The following PCMT1 variants were observed in gnomAD, a reference collection of about 807,000 sequenced individuals.
PCMT1 encodes protein-L-isoaspartate (D-aspartate) O-methyltransferase.
A neutral mutation model predicts 29.2 loss-of-function variants in PCMT1; 9 were observed. The observed-to-expected ratio is 0.31, with a 90% CI of 0.19 to 0.54. The LOEUF (loss-of-function observed/expected upper bound fraction) is 0.54, where lower values mean the gene tolerates loss of function less well. Ranked by LOEUF, PCMT1 falls within the 20% of genes least tolerant of loss-of-function variation. The pLI is 0.95. For missense variants in PCMT1, 184 were observed against 282.2 expected (o/e 0.65, Z 2.49); for synonymous variants, 98 against 97.5 (o/e 1.00, Z -0.03).
rs560893042 is a variant in PCMT1, at chr6:149,802,236, T to G, written c.541T>G (p.Leu181Val). The change falls in exon 7 of 8, where the codon TTG becomes GTG. Residue 181 changes from leucine to valine, a missense_variant. Physicochemically the swap from Leu to Val is conservative, Grantham distance 32 (BLOSUM62 1). Coordinates refer to ENST00000464889, the MANE Select transcript of PCMT1 (RefSeq NM_001360452.2). ...DQLKPGGRLI[L>V]PVGPAGGNQM... is the part of the protein sequence containing the mutation. Reference sequence around the variant, plus strand: ...GTTAAAGCCCGGAGGAAGATTGATATTGCCTGTTGGTCCTGCAGGCGGAAA... The same window carrying G: ...GTTAAAGCCCGGAGGAAGATTGATAGTGCCTGTTGGTCCTGCAGGCGGAAA... 1.9e-6 allele frequency: 3 copies of G among 1,612,732 alleles called. No individual in the cohort carries two copies. Among genetic ancestry groups the G allele is most frequent in the Admixed American group, 1.7e-5 (1 of 59,962 alleles).
At chr6:149,788,133 G>A (rs1164358345) in intron 3 of PCMT1, among the ~76,000 whole-genome samples, 1 of 152,026 alleles carries the variant, frequency 6.6e-6, no homozygotes, top group East Asian at 1.9e-4. Context: ...TAGCCAGGAT[G>A]GTCTCGATCT....
rs202122679 is a variant in PCMT1, at chr6:149,751,880, TA to T, written c.55+1925del. Among the ~76,000 whole-genome samples the T allele has an allele frequency of 3.7e-4, 56 of 151,758 alleles. No homozygotes were observed. In the East Asian group the frequency reaches 7.4e-3, roughly 20 times the overall value. ...GTGTTTGGTAAGAGAGAATGTTGAT[TA>T]TTTTTTTTTTTTAGACAGGGTTTCA... On this transcript the variant is annotated intron_variant, in intron 1 of 7. Transcript: ENST00000464889.
intron 3 of PCMT1, among the ~76,000 whole-genome samples, chr6:149,782,897 G>C (rs9322220): frequency 0.53 from 80,717 of 151,920 alleles, 24,666 homozygotes; most frequent in East Asian, 0.83. Context: ...TGGCTGATGC[G>C]TGTAATCTCA....
chr6:149,759,784 T>C (rs1295287505), intron 1 of PCMT1, among the ~76,000 whole-genome samples: 1 of 152,118 alleles, frequency 6.6e-6, no homozygotes, highest in African/African-American at 2.4e-5. Context: ...CGTGAGCCAC[T>C]GCGCCCGGCC....
chr6:149,770,836 T>TA (rs1440735684), intron 1 of PCMT1, among the ~76,000 whole-genome samples: 2 of 130,514 alleles, frequency 1.5e-5, no homozygotes, highest in Non-Finnish European at 3.1e-5. Flanking sequence ...ACCCTGTTTC[T>TA]AAAATACAAA....
intron 2 of PCMT1, among the ~76,000 whole-genome samples, chr6:149,772,927 G>C (rs1787394236): frequency 6.7e-6 from 1 of 150,366 alleles, no homozygotes; most frequent in South Asian, 2.1e-4. Context: ...TGAGGCAGTA[G>C]AATGGCGTGA....
Position 149,776,355 on chromosome 6 carries a change from C to T in PCMT1, c.192+3186C>T, listed in dbSNP as rs182307608. ...CTCCGCCCCGTGGATTCAAGCAATT[C>T]GCGTGCCTTACTCAGCCTTCCTCGT... is the stretch of plus-strand genomic sequence containing the variant. On this transcript the variant is annotated intron_variant, in intron 3 of 7. Transcript: ENST00000464889. 1.8e-3 allele frequency among the ~76,000 whole-genome samples: 275 copies of T among 152,032 alleles called. 2 individuals carry two copies. Among genetic ancestry groups the T allele is most frequent in the African/African-American group, 5.4e-3 (225 of 41,436 alleles).
intron 7 of PCMT1, among the ~76,000 whole-genome samples, chr6:149,809,120 A>G (rs1369957027): frequency 6.7e-6 from 1 of 149,440 alleles, no homozygotes; most frequent in African/African-American, 2.4e-5. Context: ...TTAGCCGGGT[A>G]TGGTGGTGCC....
chr6:149,800,209 T>TA (rs1442109794), intron 6 of PCMT1, among the ~76,000 whole-genome samples: 1 of 152,164 alleles, frequency 6.6e-6, no homozygotes, highest in African/African-American at 2.4e-5. Context: ...CTCATGCCTG[T>TA]AATCCCAGTA....
At chr6:149,751,169 T>C (rs761920822) in intron 1 of PCMT1, among the ~76,000 whole-genome samples, 3 of 152,030 alleles carry the variant, frequency 2.0e-5, no homozygotes, top group Admixed American at 6.6e-5. Context: ...ATACAAAAAT[T>C]AGCCGGGCGT....
intron 3 of PCMT1, among the ~76,000 whole-genome samples, chr6:149,788,193 G>A (rs542956163): frequency 6.6e-6 from 1 of 152,284 alleles, no homozygotes; most frequent in Admixed American, 6.5e-5. Flanking sequence ...GATTACAGGT[G>A]TGAGCCACTG....
chr6:149,810,517 G>A lies in PCMT1; in HGVS notation c.*38-99G>A, dbSNP rs141244301. On this transcript the variant is annotated intron_variant, in intron 7 of 7. Transcript: ENST00000464889. ...TTAAATATATTGCTTGGTGATCAGC[G>A]CATTTTTATTGACTTAATAGTTGTG... 792 of 804,416 alleles carry A rather than the reference G, an allele frequency of 9.8e-4. 5 individuals carry two copies. Among genetic ancestry groups the A allele is most frequent in the African/African-American group, 3.8e-3 (218 of 56,848 alleles). 49.8% of individuals were successfully genotyped at this position (804,416 alleles called of 1,614,324 possible). A position where few individuals can be genotyped will look rare whatever the true frequency, so the allele number is the denominator to read the frequency against.
intron 2 of PCMT1, among the ~76,000 whole-genome samples, chr6:149,772,900 C>T (rs559935591): frequency 6.0e-4 from 91 of 151,700 alleles, no homozygotes; most frequent in African/African-American, 2.1e-3. Context: ...GCCTGTAGTC[C>T]CAGCTACTCG....
chr6:149,809,258 CAAAAAAAAA>C (rs1209712068), intron 7 of PCMT1, among the ~76,000 whole-genome samples: 2 of 47,094 alleles, frequency 4.2e-5, no homozygotes, highest in African/African-American at 1.7e-4. Context: ...GACTCTGTCT[CAAAAAAAAA>C]AAAAAAAAAA....
chr6:149,804,021 C>G (rs1402230363), intron 7 of PCMT1, among the ~76,000 whole-genome samples: 1 of 131,270 alleles, frequency 7.6e-6, no homozygotes, highest in East Asian at 2.2e-4. Flanking sequence ...GCAGAGGTTG[C>G]AGTGAGTCGA....
intron 7 of PCMT1, among the ~76,000 whole-genome samples, chr6:149,806,998 C>T (rs902269861): frequency 4.6e-5 from 7 of 152,126 alleles, no homozygotes; most frequent in South Asian, 2.1e-4. Flanking sequence ...GAGCTAATTG[C>T]GGTGCTCTGA....
intron 1 of PCMT1, among the ~76,000 whole-genome samples, chr6:149,762,522 TATATATCTATG>T (rs1381719140): frequency 1.0e-4 from 3 of 28,970 alleles, no homozygotes; most frequent in South Asian, 1.1e-3. Flanking sequence ...ATCTATGATA[TATATATCTATG>T]ATATATATAT....
At chr6:149,754,796 G>C (rs540895779) in intron 1 of PCMT1, among the ~76,000 whole-genome samples, 1 of 152,120 alleles carries the variant, frequency 6.6e-6, no homozygotes, top group Non-Finnish European at 1.5e-5. Context: ...ACACCTGCCC[G>C]TTTGTCACTT....
chr6:149,769,439 G>A (rs1345624931), intron 1 of PCMT1, among the ~76,000 whole-genome samples: 1 of 149,348 alleles, frequency 6.7e-6, no homozygotes, highest in Non-Finnish European at 1.5e-5. Context: ...TCAGCCTCCT[G>A]AGTAGCTGGG....
Sources: allele counts gnomAD v4.1 joint callset (sites outside exome capture counted in the v4.1 genomes callset), GRCh38; gene constraint gnomAD v4.1.1; transcripts MANE v1.5; gene names NCBI Gene and HGNC (gene_info 2026-07-23, HGNC 2026-07-21).